Variants in EMP1 observed in about 807,000 individuals in gnomAD.
EMP1 encodes the protein epithelial membrane protein 1.
EMP1 carries 5 observed loss-of-function variants against 15.7 expected under a neutral mutation model. The observed-to-expected ratio is 0.32, with a 90% CI of 0.17 to 0.67. The LOEUF (loss-of-function observed/expected upper bound fraction) is 0.67, where lower values mean the gene tolerates loss of function less well. Ranked by LOEUF, EMP1 falls within the 30% of genes least tolerant of loss-of-function variation. The pLI, the probability that EMP1 is intolerant of heterozygous loss-of-function variation, is 0.74. For synonymous variants in EMP1, 78 were observed against 76.7 expected (o/e 1.02, Z -0.09); for missense variants, 166 against 194.2 (o/e 0.85, Z 0.86).
intron 1 of EMP1, among the ~76,000 whole-genome samples, chr12:13,208,197 T>C (rs1864131014): frequency 6.6e-6 from 1 of 152,202 alleles, no homozygotes; most frequent in South Asian, 2.1e-4. Flanking sequence ...AGTGCCTTTG[T>C]ATGAAGCAAG....
chr12:13,207,309 C>T (rs1054023299), intron 1 of EMP1, among the ~76,000 whole-genome samples: 1 of 152,150 alleles, frequency 6.6e-6, no homozygotes, highest in African/African-American at 2.4e-5. Flanking sequence ...TACTAGGTTT[C>T]ACCACGTTAG....
At chr12:13,200,217 G>A (rs989337555) in intron 1 of EMP1, among the ~76,000 whole-genome samples, 1 of 152,088 alleles carries the variant, frequency 6.6e-6, no homozygotes, top group African/African-American at 2.4e-5. Flanking sequence ...TACCTACTAG[G>A]TCATGGTTAG....
rs957180490 is a variant in EMP1 at position 13,211,188 on chromosome 12, T to C, written c.-42-281T>C. The stretch of plus-strand genomic sequence containing the variant: ...ACGAACAGTTATCATAAAATGTTCT[T>C]GTTCCTTTTTTGAAATAGAATGTAT... On this transcript the variant is annotated intron_variant, in intron 1 of 4. Coordinates refer to ENST00000256951, the MANE Select transcript of EMP1 (RefSeq NM_001423.3). The surrounding 1 kb of genome is among the most constrained non-coding windows in gnomAD (Gnocchi z 4.7). 2.0e-5 allele frequency among the ~76,000 whole-genome samples: 3 copies of C among 152,256 alleles called. No homozygotes were observed. Among genetic ancestry groups the C allele is most frequent in the Non-Finnish European group, 4.4e-5 (3 of 68,042 alleles).
chr12:13,198,059 CAGTGCTG>C, intron 1 of EMP1, among the ~76,000 whole-genome samples: 1 of 152,254 alleles, frequency 6.6e-6, no homozygotes, highest in East Asian at 1.9e-4. Flanking sequence ...AGCTGCCTTT[CAGTGCTG>C]AGTGAAAAGA....
chr12:13,214,227 A>G, intron 4 of EMP1: 2 of 595,328 alleles, frequency 3.4e-6, no homozygotes, highest in Non-Finnish European at 6.0e-6. Flanking sequence ...TGCATCCCTG[A>G]GTAGCTTTCC....
intron 1 of EMP1, among the ~76,000 whole-genome samples, chr12:13,210,958 G>A (rs1400890515): frequency 5.9e-5 from 9 of 152,162 alleles, no homozygotes; most frequent in Non-Finnish European, 1.0e-4. Flanking sequence ...CAGTATATGG[G>A]CATTGAGTAA....
At position 13,211,714 on chromosome 12, in the gene EMP1, CAAAAT is replaced by C. The variant is rs1864166655; in HGVS notation, c.78+130_78+134del. On this transcript the variant is annotated intron_variant, in intron 2 of 4. Coordinates refer to ENST00000256951, the MANE Select transcript of EMP1 (RefSeq NM_001423.3). The surrounding 1 kb of genome is among the most constrained non-coding windows in gnomAD (Gnocchi z 4.7). ...AACTTACAGCTCAGTTGTGGGAAAA[CAAAAT>C]AAACACACGCTTGCCCTTCAAACAA... 4.1e-6 allele frequency: 4 copies of C among 968,752 alleles called. No individual in the cohort carries two copies. The highest frequency in any genetic ancestry group is 6.4e-6 in the Non-Finnish European group (4 of 627,946). 60.0% of individuals were successfully genotyped at this position (968,752 alleles called of 1,614,324 possible). A position where few individuals can be genotyped will look rare whatever the true frequency, so the allele number is the denominator to read the frequency against.
chr12:13,205,490 A>G (rs778378274), intron 1 of EMP1, among the ~76,000 whole-genome samples: 12 of 151,462 alleles, frequency 7.9e-5, no homozygotes, highest in Non-Finnish European at 1.5e-4. Context: ...AAGTCTATGT[A>G]TGTTAAAAAA....
intron 1 of EMP1, among the ~76,000 whole-genome samples, chr12:13,205,658 A>T (rs1479238559): frequency 6.6e-6 from 1 of 152,086 alleles, no homozygotes; most frequent in Non-Finnish European, 1.5e-5. Context: ...CACAGGCAAG[A>T]CTCTCCCTTC....
In EMP1 at chr12:13,219,782, T is replaced by G. The variant is rs1449628110; in HGVS notation, c.*5091T>G. On this transcript the variant is annotated 3_prime_UTR_variant, in exon 5 of 5. Coordinates refer to ENST00000256951, the MANE Select transcript of EMP1 (RefSeq NM_001423.3). Reference sequence around the variant, plus strand: ...TTTTGAGCTCTTCCCAATATAGGAATGTGTTAGTTCTAAAAATTTTCTTAA... The same window carrying G: ...TTTTGAGCTCTTCCCAATATAGGAAGGTGTTAGTTCTAAAAATTTTCTTAA... 1 of 152,192 alleles carries G rather than the reference T, an allele frequency of 6.6e-6. No homozygotes were observed. Among genetic ancestry groups the G allele is most frequent in the Non-Finnish European group, 1.5e-5 (1 of 68,024 alleles). The allele number at this position is 152,192 out of a possible 1,614,324, so 9.4% of individuals were successfully genotyped here.
Position 13,211,789 on chromosome 12 carries a change from T to C in EMP1, c.78+201T>C. 1.7e-6 allele frequency: 1 copy of C among 603,452 alleles called. No individual in the cohort carries two copies. Among genetic ancestry groups the C allele is most frequent in the Non-Finnish European group, 2.9e-6 (1 of 347,518 alleles). 37.4% of individuals were successfully genotyped at this position (603,452 alleles called of 1,614,324 possible). A position where few individuals can be genotyped will look rare whatever the true frequency, so the allele number is the denominator to read the frequency against. On this transcript the variant is annotated intron_variant, in intron 2 of 4. Coordinates refer to ENST00000256951, the MANE Select transcript of EMP1 (RefSeq NM_001423.3). The surrounding 1 kb of genome is among the most constrained non-coding windows in gnomAD (Gnocchi z 4.7). ...AAGTGAATGTCCACAGGAGTAATCC[T>C]GCCAGAGCTGTAGGTGGTTAAGGGC... is the stretch of plus-strand genomic sequence containing the variant.
At chr12:13,199,369 G>C (rs1408060471) in intron 1 of EMP1, 2 of 152,298 alleles carry the variant, frequency 1.3e-5, no homozygotes, top group East Asian at 3.9e-4. Flanking sequence ...CTTGCTCTGG[G>C]TGGCTCTAGG....
chr12:13,213,664 T>A lies in EMP1; in HGVS notation c.176-17T>A. 6.2e-7 allele frequency: 1 copy of A among 1,613,972 alleles called. No homozygotes were observed. The highest frequency in any genetic ancestry group is 8.5e-7 in the Non-Finnish European group (1 of 1,179,800). ...GAGTGACCTCATGCCCTTGTTCTCC[T>A]CGTCCTGTGTCTACAGATGCCCTCA... On this transcript the variant is annotated splice_polypyrimidine_tract_variant and intron_variant, in intron 3 of 4. Coordinates refer to ENST00000256951, the MANE Select transcript of EMP1 (RefSeq NM_001423.3).
chr12:13,201,699 A>G (rs1487520836), intron 1 of EMP1, among the ~76,000 whole-genome samples: 1 of 152,174 alleles, frequency 6.6e-6, no homozygotes, highest in Non-Finnish European at 1.5e-5. Flanking sequence ...ACCCTCAGCC[A>G]TGAGCATTCA....
chr12:13,210,673 A>G (rs1864157125), intron 1 of EMP1, among the ~76,000 whole-genome samples: 1 of 152,318 alleles, frequency 6.6e-6, no homozygotes, highest in East Asian at 1.9e-4. Context: ...TGCTATCTCA[A>G]GTTGCATTAC....
rs575455992 is a variant in EMP1 at position 13,202,321 on chromosome 12, C to T, written c.-43+5449C>T. Among the ~76,000 whole-genome samples the T allele has an allele frequency of 5.3e-5, 8 of 152,328 alleles. No homozygotes were observed. The South Asian group carries it at 1.0e-3, about 20-fold the overall frequency. ...TTTGGTATCATTTTAGTTTCCACTA[C>T]ATGTGCCCACCAGGCTGGAACCTCT... On this transcript the variant is annotated intron_variant, in intron 1 of 4. Coordinates refer to ENST00000256951, the MANE Select transcript of EMP1 (RefSeq NM_001423.3).
chr12:13,206,067 A>G (rs191446581), intron 1 of EMP1, among the ~76,000 whole-genome samples: 1 of 152,284 alleles, frequency 6.6e-6, no homozygotes, highest in East Asian at 1.9e-4. Context: ...GGCTGATGCC[A>G]TGGTCAGGCT....
At position 13,214,576 on chromosome 12, in the gene EMP1, A is replaced by T; in HGVS notation, c.359A>T (p.Tyr120Phe). Residue 120 changes from tyrosine to phenylalanine, a missense_variant, in exon 5 of 5, where the codon TAT (tyrosine) becomes TTT (phenylalanine). Coordinates refer to ENST00000256951, the MANE Select transcript of EMP1 (RefSeq NM_001423.3). ...GGGGTGTCCATCTACACTAGTCATT[A>T]TGCGAATCGTGATGGAACGCAGTAT... ...LVGVSIYTSH[Y>F]ANRDGTQYHH... 6.2e-7 allele frequency: 1 copy of T among 1,613,998 alleles called. No individual in the cohort carries two copies. The highest frequency in any genetic ancestry group is 8.5e-7 in the Non-Finnish European group (1 of 1,179,974).
intron 1 of EMP1, among the ~76,000 whole-genome samples, chr12:13,199,013 A>C (rs1225802790): frequency 9.4e-6 from 1 of 106,606 alleles, no homozygotes. Flanking sequence ...ACTCCGAAGA[A>C]TGGGGCGGGG....
Sources: allele counts gnomAD v4.1 joint callset (sites outside exome capture counted in the v4.1 genomes callset), GRCh38; gene constraint gnomAD v4.1.1; non-coding constraint Gnocchi (gnomAD v3.1); transcripts MANE v1.5; gene names NCBI Gene and HGNC (gene_info 2026-07-23, HGNC 2026-07-21).